The following LRMDA variants were observed in gnomAD, a reference collection of about 807,000 sequenced individuals.
LRMDA encodes the protein leucine rich melanocyte differentiation associated, also known as leucine-rich melanocyte differentiation-associated protein.
A neutral mutation model predicts 29.8 loss-of-function variants in LRMDA; 18 were observed. That is an observed-to-expected ratio of 0.60 (90% CI 0.42 to 0.90). LRMDA has a LOEUF of 0.90. LRMDA is among the 40% of genes least tolerant of loss of function. LRMDA has a pLI of 0.00. For missense variants in LRMDA, 273 were observed against 273.9 expected, an observed-to-expected ratio of 1.00 and a Z score of 0.02; for synonymous variants, 125 against 109.4, an observed-to-expected ratio of 1.14 and a Z score of -0.89.
rs551290778 is a variant in LRMDA, at chr10:75,726,086, T to C, written c.131+287592T>C. Among the ~76,000 whole-genome samples the C allele has an allele frequency of 4.6e-5, 7 of 152,324 alleles. No homozygotes were observed. The East Asian group carries it at 9.7e-4, about 21-fold the overall frequency. ...CTACTGGAAAAATGTACCTAAAGTT[T>C]ACATGCTTCAGAGGGGAGTTAATCA... On this transcript the variant is annotated intron_variant, in intron 2 of 6. Transcript: ENST00000611255.
chr10:76,142,288 C>G (rs1049819592), intron 5 of LRMDA, among the ~76,000 whole-genome samples: 2 of 152,088 alleles, frequency 1.3e-5, no homozygotes, highest in African/African-American at 4.8e-5. Context: ...TGTGCATTTA[C>G]ATAGTCTTAA....
chr10:76,248,100 C>A (rs74150556), intron 5 of LRMDA, among the ~76,000 whole-genome samples: 1 of 152,236 alleles, frequency 6.6e-6, no homozygotes, highest in African/African-American at 2.4e-5. Flanking sequence ...CCCCAATAGT[C>A]CAGGACAGTG....
At chr10:75,703,052 T>A (rs1180355979) in intron 2 of LRMDA, among the ~76,000 whole-genome samples, 2 of 152,224 alleles carry the variant, frequency 1.3e-5, no homozygotes, top group Non-Finnish European at 2.9e-5. Context: ...AACACATCAT[T>A]ACACTTTCAT....
At chr10:75,786,671 T>C (rs1843477510) in intron 2 of LRMDA, among the ~76,000 whole-genome samples, 1 of 152,226 alleles carries the variant, frequency 6.6e-6, no homozygotes, top group Non-Finnish European at 1.5e-5. Flanking sequence ...AGGAAGAATT[T>C]TGTTTTTCTT....
chr10:75,846,757 A>C (rs1323612075), intron 2 of LRMDA, among the ~76,000 whole-genome samples: 1 of 152,266 alleles, frequency 6.6e-6, no homozygotes, highest in East Asian at 1.9e-4. Flanking sequence ...AGCAGAACAA[A>C]CCCATTTATA....
intron 2 of LRMDA, among the ~76,000 whole-genome samples, chr10:75,792,109 C>T (rs951610860): frequency 1.1e-4 from 16 of 151,828 alleles, no homozygotes; most frequent in East Asian, 3.9e-4. Context: ...TCCCCCGCCT[C>T]GGCCTCTCAA....
chr10:76,527,348 T>C (rs1414443631), intron 6 of LRMDA, among the ~76,000 whole-genome samples: 1 of 152,206 alleles, frequency 6.6e-6, no homozygotes, highest in East Asian at 1.9e-4. Flanking sequence ...GGTCAGAGAC[T>C]CACTGTCTAG....
intron 6 of LRMDA, among the ~76,000 whole-genome samples, chr10:76,545,767 A>T (rs1021534530): frequency 6.6e-6 from 1 of 151,938 alleles, no homozygotes; most frequent in Non-Finnish European, 1.5e-5. Context: ...ACCCTCAGTT[A>T]ACCAGATTTT....
intron 2 of LRMDA, among the ~76,000 whole-genome samples, chr10:75,443,425 T>A (rs1844353288): frequency 6.6e-6 from 1 of 152,224 alleles, no homozygotes. Context: ...TTGAATTTTA[T>A]CAAATGCTTT....
intron 5 of LRMDA, among the ~76,000 whole-genome samples, chr10:76,117,124 G>A (rs550331848): frequency 6.6e-6 from 1 of 152,166 alleles, no homozygotes; most frequent in South Asian, 2.1e-4. Flanking sequence ...CTTGCAGTAG[G>A]ATTTTATCCA....
intron 2 of LRMDA, among the ~76,000 whole-genome samples, chr10:75,509,904 G>A (rs1329788022): frequency 2.0e-5 from 3 of 152,212 alleles, no homozygotes; most frequent in Admixed American, 1.3e-4. Flanking sequence ...CAGACCGCAT[G>A]TGGGGCTACT....
At chr10:75,851,763 T>C (rs531229563) in intron 2 of LRMDA, among the ~76,000 whole-genome samples, 1 of 152,264 alleles carries the variant, frequency 6.6e-6, no homozygotes, top group South Asian at 2.1e-4. Context: ...AAGTCCATGC[T>C]CCTATTAATT....
intron 2 of LRMDA, among the ~76,000 whole-genome samples, chr10:75,651,654 C>A (rs1447294586): frequency 1.3e-5 from 2 of 152,146 alleles, no homozygotes; most frequent in African/African-American, 4.8e-5. Context: ...AGTTATCTGT[C>A]AGTTGAGAGC....
rs547231706 is a variant in LRMDA at position 75,634,471 on chromosome 10, G to T, written c.131+195977G>T. ...TGGGAAAATGAACTCTTTCTCCTGA[G>T]GGTAACCTCAGAACAGAGTGGCAGC... On this transcript the variant is annotated intron_variant, in intron 2 of 6. Transcript: ENST00000611255. 4.6e-5 allele frequency among the ~76,000 whole-genome samples: 7 copies of T among 152,272 alleles called. No individual in the cohort carries two copies. In the South Asian group the frequency reaches 1.5e-3, roughly 32 times the overall value.
intron 6 of LRMDA, among the ~76,000 whole-genome samples, chr10:76,390,793 C>T (rs1231591260): frequency 6.6e-6 from 1 of 152,160 alleles, no homozygotes; most frequent in Non-Finnish European, 1.5e-5. Context: ...TGTCAGCCCC[C>T]TTCCCCTCTG....
chr10:76,085,288 A>G (rs1849115949), intron 5 of LRMDA, among the ~76,000 whole-genome samples: 1 of 152,244 alleles, frequency 6.6e-6, no homozygotes, highest in African/African-American at 2.4e-5. Context: ...AATAATCCGA[A>G]ACACAGATAT....
chr10:76,295,701 TG>T (rs1177652166), intron 5 of LRMDA, among the ~76,000 whole-genome samples: 3 of 152,190 alleles, frequency 2.0e-5, no homozygotes, highest in African/African-American at 4.8e-5. Context: ...TGCCTTTCAC[TG>T]CCCTCTAACT....
chr10:76,227,666 A>G (rs775227446), intron 5 of LRMDA, among the ~76,000 whole-genome samples: 1 of 152,226 alleles, frequency 6.6e-6, no homozygotes. Context: ...GAGTAACTAC[A>G]TTAGTGTTAA....
intron 2 of LRMDA, among the ~76,000 whole-genome samples, chr10:75,893,615 C>T (rs2132356076): frequency 6.6e-6 from 1 of 152,252 alleles, no homozygotes; most frequent in Admixed American, 6.5e-5. Flanking sequence ...GTGCCCAGCC[C>T]CAGACTCATT....
Sources: gnomAD v4.1 joint callset for allele counts (sites outside exome capture counted in the v4.1 genomes callset) on GRCh38, gnomAD v4.1.1 for gene constraint, MANE v1.5 for transcripts, NCBI Gene and HGNC (gene_info 2026-07-23, HGNC 2026-07-21) for gene names.